Variants in FANCL observed in about 807,000 individuals in gnomAD.
FANCL encodes FA complementation group L.
A neutral mutation model predicts 59.4 loss-of-function variants in FANCL; 69 were observed. The ratio of observed to expected loss-of-function variants is 1.16; its 90% CI spans 0.96 to 1.42. The LOEUF (loss-of-function observed/expected upper bound fraction) is 1.42, where lower values mean the gene tolerates loss of function less well. FANCL is among the 40% of genes most tolerant of loss of function. The pLI, the probability that FANCL is intolerant of heterozygous loss-of-function variation, is 0.00. For synonymous variants in FANCL, 180 were observed against 147.1 expected (o/e 1.22, Z -1.62); for missense variants, 519 against 447.2 (o/e 1.16, Z -1.45).
At chr2:58,192,850 A>C (rs1405899765) in intron 7 of FANCL, among the ~76,000 whole-genome samples, 1 of 151,966 alleles carries the variant, frequency 6.6e-6, no homozygotes, top group Non-Finnish European at 1.5e-5. Context: ...GTTTTTTCTA[A>C]AAAGAAAACA....
chr2:58,186,371 G>A (rs951630795), intron 7 of FANCL, among the ~76,000 whole-genome samples: 1 of 152,126 alleles, frequency 6.6e-6, no homozygotes, highest in African/African-American at 2.4e-5. Flanking sequence ...ATGACAATTG[G>A]CCCAAGCTTG....
At chr2:58,167,558 G>A (rs1686081034) in intron 7 of FANCL, among the ~76,000 whole-genome samples, 2 of 152,120 alleles carry the variant, frequency 1.3e-5, no homozygotes, top group Admixed American at 6.5e-5. Flanking sequence ...TTTTTCCAAT[G>A]GCATTGTCCA....
intron 7 of FANCL, among the ~76,000 whole-genome samples, chr2:58,181,188 T>G (rs1023835976): frequency 7.2e-5 from 11 of 152,048 alleles, no homozygotes; most frequent in African/African-American, 2.2e-4. Context: ...CAAACCTCAG[T>G]ATATTCATGC....
intron 3 of FANCL, among the ~76,000 whole-genome samples, chr2:58,229,497 T>C (rs954256391): frequency 1.1e-4 from 17 of 152,156 alleles, no homozygotes; most frequent in Admixed American, 1.1e-3. Context: ...CAGCTCTAAA[T>C]GGGTCTGATT....
intron 7 of FANCL, among the ~76,000 whole-genome samples, chr2:58,167,272 G>A (rs1052617084): frequency 1.3e-5 from 2 of 152,174 alleles, no homozygotes; most frequent in East Asian, 1.9e-4. Flanking sequence ...TAACCTTTGA[G>A]GATATTGACG....
chr2:58,195,119 A>T (rs1689303715), intron 7 of FANCL, among the ~76,000 whole-genome samples: 1 of 152,140 alleles, frequency 6.6e-6, no homozygotes, highest in South Asian at 2.1e-4. Context: ...AACTGTTTAA[A>T]AATTGTTTTA....
intron 2 of FANCL, among the ~76,000 whole-genome samples, chr2:58,231,768 T>A (rs1693603054): frequency 6.6e-6 from 1 of 152,196 alleles, no homozygotes; most frequent in Non-Finnish European, 1.5e-5. Context: ...TTGTTCTCCC[T>A]TTATATACCT....
At chr2:58,183,132 T>C (rs1027505941) in intron 7 of FANCL, among the ~76,000 whole-genome samples, 42 of 151,824 alleles carry the variant, frequency 2.8e-4, no homozygotes, top group African/African-American at 8.0e-4. Flanking sequence ...CTGTACCATA[T>C]TGGACAAAGG....
chr2:58,165,669 TC>T (rs1685855967), intron 8 of FANCL, 54 bp downstream of exon 8: 1 of 1,605,610 alleles, frequency 6.2e-7, no homozygotes. Context: ...AGATTTATTT[TC>T]ATAATACAAA....
rs201154888 is a variant in FANCL, at chr2:58,206,294, T to TA, written c.375-2069dup. On this transcript the variant is annotated intron_variant, in intron 5 of 13. Coordinates refer to ENST00000233741, the MANE Select transcript of FANCL (RefSeq NM_018062.4). ...TTTTCATTAATCAGTTCATAATTCCTAAAAAATAAAGAAATATTGCATGTA... is the reference window on the plus strand; with the variant it reads ...TTTTCATTAATCAGTTCATAATTCCTAAAAAAATAAAGAAATATTGCATGTA... 5.8e-4 allele frequency among the ~76,000 whole-genome samples: 88 copies of TA among 152,160 alleles called. 1 individual carries two copies. The East Asian group carries it at 0.013, about 22-fold the overall frequency.
intron 3 of FANCL, among the ~76,000 whole-genome samples, chr2:58,227,711 A>C (rs1437813310): frequency 6.6e-6 from 1 of 152,070 alleles, no homozygotes; most frequent in East Asian, 1.9e-4. Context: ...TAGGCACAAG[A>C]TGGAGGTATG....
At chr2:58,189,208 T>C (rs889161918) in intron 7 of FANCL, among the ~76,000 whole-genome samples, 5 of 152,038 alleles carry the variant, frequency 3.3e-5, no homozygotes, top group Admixed American at 6.6e-5. Flanking sequence ...TGTAGATATT[T>C]GTCAAAACTC....
chr2:58,175,467 A>G (rs1472507890), intron 7 of FANCL, among the ~76,000 whole-genome samples: 1 of 151,742 alleles, frequency 6.6e-6, no homozygotes, highest in Admixed American at 6.5e-5. Context: ...CTGGGATGCA[A>G]GGCTGGTTCA....
chr2:58,190,037 A>C (rs1013174765), intron 7 of FANCL, among the ~76,000 whole-genome samples: 8 of 152,036 alleles, frequency 5.3e-5, no homozygotes, highest in Admixed American at 3.9e-4. Context: ...CAATATCTCC[A>C]TCAGGTATCT....
At chr2:58,189,325 A>G (rs1688706101) in intron 7 of FANCL, among the ~76,000 whole-genome samples, 1 of 152,226 alleles carries the variant, frequency 6.6e-6, no homozygotes, top group South Asian at 2.1e-4. Flanking sequence ...TAATGGATCT[A>G]CACAGCAGTA....
intron 5 of FANCL, among the ~76,000 whole-genome samples, chr2:58,207,715 A>T (rs1244446353): frequency 6.6e-6 from 1 of 152,208 alleles, no homozygotes; most frequent in African/African-American, 2.4e-5. Context: ...CTTAAAGGAA[A>T]AAAAGAGTGA....
At chr2:58,182,569 C>G (rs1688035078) in intron 7 of FANCL, among the ~76,000 whole-genome samples, 1 of 151,674 alleles carries the variant, frequency 6.6e-6, no homozygotes, top group South Asian at 2.1e-4. Context: ...AGAAATAAAA[C>G]CCATTTTATA....
Position 58,182,001 on chromosome 2 carries a change from C to A in FANCL, c.541-16127G>T, listed in dbSNP as rs569696537. Among the ~76,000 whole-genome samples, 12 of 151,636 alleles carry A rather than the reference C, an allele frequency of 7.9e-5. No homozygotes were observed. In the South Asian group the frequency reaches 1.7e-3, roughly 21 times the overall value. On this transcript the variant is annotated intron_variant, in intron 7 of 13. Transcript: ENST00000233741. ...TCTCTAAAACACACAAATACGTCTTCTCAGAAAAAAAGCTCACTATATAAG... is the reference window on the plus strand; with the variant it reads ...TCTCTAAAACACACAAATACGTCTTATCAGAAAAAAAGCTCACTATATAAG...
At chr2:58,234,686 T>C (rs1335478568) in intron 1 of FANCL, among the ~76,000 whole-genome samples, 3 of 151,990 alleles carry the variant, frequency 2.0e-5, no homozygotes, top group African/African-American at 7.2e-5. Flanking sequence ...TTGAGATATA[T>C]CTTAATCAAC....
Sources: gnomAD v4.1 joint callset for allele counts (sites outside exome capture counted in the v4.1 genomes callset) on GRCh38, gnomAD v4.1.1 for gene constraint, MANE v1.5 for transcripts, NCBI Gene and HGNC (gene_info 2026-07-23, HGNC 2026-07-21) for gene names.